The following PRKD1 variants were observed in gnomAD, a reference collection of about 807,000 sequenced individuals.
The protein encoded by PRKD1 is protein kinase D1.
Under a neutral mutation model 95.9 loss-of-function variants are expected in PRKD1, and 63 were observed. The ratio of observed to expected loss-of-function variants is 0.66; its 90% CI spans 0.54 to 0.81. The LOEUF is 0.81. PRKD1 is among the 30% of genes least tolerant of loss of function. The probability of loss-of-function intolerance (pLI) is 0.00; values close to 1 mark genes in which losing one functional copy is unlikely to be tolerated. For missense variants in PRKD1, 1,048 were observed against 1,165.3 expected (o/e 0.90, Z 1.47); for synonymous variants, 425 against 423.1 (o/e 1.00, Z -0.05).
chr14:29,629,904 T>G (rs1248162175), intron 10 of PRKD1, among the ~76,000 whole-genome samples: 1 of 151,966 alleles, frequency 6.6e-6, no homozygotes, highest in African/African-American at 2.4e-5. Context: ...AAGACTTGCA[T>G]TCCATGTCAA....
chr14:29,872,945 C>T (rs1435430948), intron 1 of PRKD1, among the ~76,000 whole-genome samples: 1 of 152,150 alleles, frequency 6.6e-6, no homozygotes, highest in East Asian at 1.9e-4. Context: ...GCACAAACAA[C>T]TTCTAGGATA....
At chr14:29,621,535 A>G (rs931800449) in intron 13 of PRKD1, among the ~76,000 whole-genome samples, 1 of 151,748 alleles carries the variant, frequency 6.6e-6, no homozygotes, top group African/African-American at 2.4e-5. Flanking sequence ...TGGCAGTTTT[A>G]TAATAAAGTA....
chr14:29,910,118 C>T (rs1420673804), intron 1 of PRKD1, among the ~76,000 whole-genome samples: 2 of 152,156 alleles, frequency 1.3e-5, no homozygotes, highest in Non-Finnish European at 2.9e-5. Flanking sequence ...TGTTGCTGCT[C>T]ACTCTTTGGG....
In PRKD1 at chr14:29,754,411, C is replaced by A. The variant is rs74861137; in HGVS notation, c.265-28737G>T. Among the ~76,000 whole-genome samples the A allele has an allele frequency of 8.9e-3, 1,357 of 152,212 alleles. 18 individuals are homozygous for A. Among genetic ancestry groups the A allele is most frequent in the African/African-American group, 0.032 (1,314 of 41,550 alleles). ...TTTGTTTAATATGGCCTTCTTCCAA[C>A]TTCATTACCAAGGTGGTCTCCTAAA... On this transcript the variant is annotated intron_variant, in intron 1 of 17. Transcript: ENST00000331968.
At chr14:29,695,662 C>T (rs546744422) in intron 2 of PRKD1, among the ~76,000 whole-genome samples, 25 of 152,160 alleles carry the variant, frequency 1.6e-4, no homozygotes, top group Non-Finnish European at 3.1e-4. Context: ...TGCAAAGCTT[C>T]CTAGACATTC....
chr14:29,709,791 C>G (rs1885256791), intron 2 of PRKD1, among the ~76,000 whole-genome samples: 1 of 152,140 alleles, frequency 6.6e-6, no homozygotes, highest in Non-Finnish European at 1.5e-5. Flanking sequence ...TGCCCACACA[C>G]ATCAAGGAGG....
At chr14:29,924,373 T>C (rs1566674504) in intron 1 of PRKD1, among the ~76,000 whole-genome samples, 1 of 152,196 alleles carries the variant, frequency 6.6e-6, no homozygotes, top group South Asian at 2.1e-4. Flanking sequence ...ACAACTATAC[T>C]CTAAATTCTA....
chr14:29,917,143 G>C (rs959585581), intron 1 of PRKD1, among the ~76,000 whole-genome samples: 3 of 152,134 alleles, frequency 2.0e-5, no homozygotes, highest in African/African-American at 7.2e-5. Flanking sequence ...ATTCAATCAA[G>C]TCTCTGGAAC....
intron 1 of PRKD1, 106 bp from the exon 2 acceptor site, chr14:29,725,780 A>C: frequency 9.4e-7 from 1 of 1,063,884 alleles, no homozygotes; most frequent in Middle Eastern, 2.6e-4. Context: ...AGTTCAAAGT[A>C]TCTAGATCAT....
At chr14:29,682,914 G>A (rs754577118) in intron 2 of PRKD1, among the ~76,000 whole-genome samples, 3 of 152,176 alleles carry the variant, frequency 2.0e-5, no homozygotes, top group Admixed American at 6.5e-5. Context: ...CAGTTTGGCT[G>A]GTTAACAGAA....
At chr14:29,664,177 C>T (rs1286089776) in intron 3 of PRKD1, among the ~76,000 whole-genome samples, 2 of 152,034 alleles carry the variant, frequency 1.3e-5, no homozygotes, top group Non-Finnish European at 2.9e-5. Flanking sequence ...TTTTAGCTGC[C>T]GTAAGTTCAA....
intron 1 of PRKD1, among the ~76,000 whole-genome samples, chr14:29,906,581 T>G (rs45508797): frequency 0.052 from 7,812 of 151,664 alleles, 224 homozygotes; most frequent in South Asian, 0.093. Flanking sequence ...GCAGAGTAAC[T>G]GAGATGTAAA....
In PRKD1 at chr14:29,907,432, A is replaced by G. The variant is rs557235181; in HGVS notation, c.264+19817T>C. Reference sequence around the variant, plus strand: ...AAGAGCATAACAAGAAAATAATGAGACAAATCATTCATTCAATCATTCAGT... The same window carrying G: ...AAGAGCATAACAAGAAAATAATGAGGCAAATCATTCATTCAATCATTCAGT... On this transcript the variant is annotated intron_variant, in intron 1 of 17. Coordinates refer to ENST00000331968, the MANE Select transcript of PRKD1 (RefSeq NM_002742.3). 3.9e-5 allele frequency among the ~76,000 whole-genome samples: 6 copies of G among 152,306 alleles called. 1 individual carries two copies. Among genetic ancestry groups the G allele is most frequent in the South Asian group, 2.1e-4 (1 of 4,826 alleles).
chr14:29,663,452 C>G (rs1158076524), intron 4 of PRKD1, among the ~76,000 whole-genome samples: 1 of 151,936 alleles, frequency 6.6e-6, no homozygotes, highest in Admixed American at 6.6e-5. Flanking sequence ...CTGCTCTGGC[C>G]CTGTGACCAC....
chr14:29,643,597 G>C (rs750915427), intron 4 of PRKD1, among the ~76,000 whole-genome samples: 4 of 152,154 alleles, frequency 2.6e-5, no homozygotes, highest in Non-Finnish European at 4.4e-5. Flanking sequence ...TGATTGCTTA[G>C]ATTACATTGT....
At chr14:29,592,643 T>C (rs1893172434) in intron 16 of PRKD1, 1 of 152,138 alleles carries the variant, frequency 6.6e-6, no homozygotes, top group South Asian at 2.1e-4. Context: ...TAAACTAATA[T>C]AGACATGCCA....
chr14:29,842,494 G>T (rs1002612388), intron 1 of PRKD1, among the ~76,000 whole-genome samples: 3 of 152,144 alleles, frequency 2.0e-5, no homozygotes, highest in African/African-American at 7.2e-5. Flanking sequence ...CATTGTATAG[G>T]CAGTCCATTG....
chr14:29,926,983 A>G (rs922333802), intron 1 of PRKD1, among the ~76,000 whole-genome samples: 9 of 152,078 alleles, frequency 5.9e-5, no homozygotes, highest in Admixed American at 2.0e-4. Context: ...TGTCATGAGA[A>G]GGATGGAAAT....
chr14:29,669,916 TA>T (rs1048159646), intron 2 of PRKD1, among the ~76,000 whole-genome samples: 1 of 152,152 alleles, frequency 6.6e-6, no homozygotes, highest in Admixed American at 6.6e-5. Flanking sequence ...ATATCTTCTT[TA>T]AACTTCCTTT....
Sources: gnomAD v4.1 joint callset for allele counts (sites outside exome capture counted in the v4.1 genomes callset) on GRCh38, gnomAD v4.1.1 for gene constraint, MANE v1.5 for transcripts, NCBI Gene and HGNC (gene_info 2026-07-23, HGNC 2026-07-21) for gene names.